Variants in DST observed in about 807,000 individuals in gnomAD.
DST encodes the protein bullous pemphigoid antigen.
A neutral mutation model predicts 875.2 loss-of-function variants in DST; 253 were observed. The observed-to-expected ratio is 0.29, with a 90% CI of 0.26 to 0.32. DST has a LOEUF of 0.32. Among genes scored for constraint, DST ranks in the 10% least tolerant of loss-of-function variants. The pLI is 1.00. For missense variants in DST, 8,287 were observed against 9,111.6 expected (o/e 0.91, Z 3.68); for synonymous variants, 3,124 against 3,197.1 (o/e 0.98, Z 0.77).
At chr6:56,610,119 A>G (rs536663432) in intron 39 of DST, among the ~76,000 whole-genome samples, 1 of 152,312 alleles carries the variant, frequency 6.6e-6, no homozygotes, top group Admixed American at 6.5e-5. Context: ...TTTATAGCCT[A>G]TAATATAATA....
In DST at chr6:56,945,462, C is replaced by A. The variant is rs887880100; in HGVS notation, c.216+8323G>T. The stretch of plus-strand genomic sequence containing the variant: ...CTGGATGTGAGAATATTGCCATTCT[C>A]CAAAATAGATGCATAAGATGTGGTA... On this transcript the variant is annotated intron_variant, in intron 2 of 103. Transcript: ENST00000680361. Among the ~76,000 whole-genome samples the A allele has an allele frequency of 3.3e-5, 5 of 152,062 alleles. 1 individual carries two copies. Among genetic ancestry groups the A allele is most frequent in the African/African-American group, 1.2e-4 (5 of 41,386 alleles).
At chr6:56,789,112 A>G (rs1295201091) in intron 4 of DST, among the ~76,000 whole-genome samples, 2 of 152,226 alleles carry the variant, frequency 1.3e-5, no homozygotes, top group Non-Finnish European at 2.9e-5. Context: ...TGGAAGGCCA[A>G]GAATGGAGGA....
At chr6:56,488,261 TAGAG>T (rs1470281055) in intron 86 of DST, among the ~76,000 whole-genome samples, 2 of 152,202 alleles carry the variant, frequency 1.3e-5, no homozygotes, top group South Asian at 4.1e-4. Context: ...TGTTGCCAAA[TAGAG>T]ACTTTAAAAA....
In DST at chr6:56,792,954, A is replaced by G. The variant is rs144936099; in HGVS notation, c.626-57665T>C. 3.6e-3 allele frequency among the ~76,000 whole-genome samples: 541 copies of G among 151,246 alleles called. 2 individuals are homozygous for G. Among genetic ancestry groups the G allele is most frequent in the Middle Eastern group, 7.0e-3 (2 of 286 alleles). On this transcript the variant is annotated intron_variant, in intron 4 of 103. Transcript: ENST00000680361. ...CATGGTGGCATGTACCTGTAGTCCC[A>G]GCTACTCAGAGGCTGAGAAGGGAGA...
intron 61 of DST, chr6:56,540,986 C>T (rs2097115354): frequency 6.6e-6 from 1 of 152,632 alleles, no homozygotes; most frequent in Non-Finnish European, 1.5e-5. Context: ...TTTTTCTTCC[C>T]TCTCTGCTGG....
At chr6:56,548,087 G>A (rs1450795731) in intron 61 of DST, among the ~76,000 whole-genome samples, 1 of 152,190 alleles carries the variant, frequency 6.6e-6, no homozygotes, top group Non-Finnish European at 1.5e-5. Flanking sequence ...GTCTAGATCA[G>A]GGGTGTCCAA....
chr6:56,488,240 ATACAGG>A (rs1700775885), intron 86 of DST, among the ~76,000 whole-genome samples: 1 of 152,238 alleles, frequency 6.6e-6, no homozygotes, highest in Non-Finnish European at 1.5e-5. Flanking sequence ...TTATGGTTGA[ATACAGG>A]TCACTGTTGC....
At chr6:56,692,920 C>G (rs1051870192) in intron 9 of DST, 1 of 1,289,780 alleles carries the variant, frequency 7.8e-7, no homozygotes, top group African/African-American at 1.5e-5. Flanking sequence ...TACCAGTCCC[C>G]TGGATAAAGG....
intron 60 of DST, 122 bp downstream of exon 60, chr6:56,555,223 A>T: frequency 9.3e-7 from 1 of 1,072,506 alleles, no homozygotes; most frequent in South Asian, 1.7e-5. Flanking sequence ...CCTCCTCTTC[A>T]CTGATGTTAA....
chr6:56,482,156 A>T lies in DST; in HGVS notation c.21425T>A (p.Val7142Glu). Residue 7142 changes from valine (V) to glutamate (E), a missense_variant, in exon 90 of 104, where the codon GTA becomes GAA. Around this residue, in one of 10 missense-constraint regions of DST, gnomAD observed 1,292 missense variants for 1,552.7 expected, o/e 0.83. Coordinates refer to ENST00000680361, the MANE Select transcript of DST (RefSeq NM_001374736.1). Reference protein sequence around the residue: ...LRQAEEFHSVVHALLEWLAEA... With the variant: ...LRQAEEFHSVEHALLEWLAEA... ...AGCCAGCCACTCCAAGAGGGCATGTACCACCGAGTGGAATTCCTCTGCCTA... is the reference window on the plus strand; with the variant it reads ...AGCCAGCCACTCCAAGAGGGCATGTTCCACCGAGTGGAATTCCTCTGCCTA... 1 of 1,611,076 alleles carries T rather than the reference A, an allele frequency of 6.2e-7. No homozygotes were observed. Among genetic ancestry groups the T allele is most frequent in the South Asian group, 1.1e-5 (1 of 90,976 alleles).
At chr6:56,624,164 C>A (rs985147719) in intron 36 of DST, among the ~76,000 whole-genome samples, 1 of 151,974 alleles carries the variant, frequency 6.6e-6, no homozygotes, top group Non-Finnish European at 1.5e-5. Context: ...AGACATCATA[C>A]CAGCAGTAAC....
chr6:56,822,613 A>G (rs1343967288), intron 4 of DST, among the ~76,000 whole-genome samples: 5 of 152,184 alleles, frequency 3.3e-5, no homozygotes, highest in African/African-American at 7.2e-5. Context: ...GTAAAAAGTA[A>G]AAGTTCACAG....
chr6:56,648,758 G>A (rs1417067024), intron 12 of DST, 69 bp from the exon 13 acceptor site: 3 of 1,307,126 alleles, frequency 2.3e-6, no homozygotes, highest in Non-Finnish European at 3.1e-6. Context: ...AGACAATTTA[G>A]TCAGAAGTCA....
chr6:56,534,961 T>C (rs772759543), intron 63 of DST, among the ~76,000 whole-genome samples, 161 bp downstream of exon 63: 14 of 152,214 alleles, frequency 9.2e-5, no homozygotes, highest in Non-Finnish European at 1.8e-4. Flanking sequence ...CCATGGTAGA[T>C]GTTCAATAAA....
chr6:56,882,171 A>C (rs189657007), intron 3 of DST, among the ~76,000 whole-genome samples: 13 of 152,346 alleles, frequency 8.5e-5, no homozygotes, highest in Non-Finnish European at 1.2e-4. Context: ...GGTTGTCCTG[A>C]TGGCCAAGAA....
intron 63 of DST, among the ~76,000 whole-genome samples, chr6:56,533,071 G>A (rs1178410717): frequency 6.6e-6 from 1 of 152,160 alleles, no homozygotes; most frequent in East Asian, 1.9e-4. Context: ...AAATCTGTGT[G>A]AGGCTGCAAA....
chr6:56,579,069 A>G (rs780619954), intron 49 of DST, 132 bp from the exon 50 acceptor site: 34 of 731,886 alleles, frequency 4.6e-5, no homozygotes, highest in Non-Finnish European at 6.5e-5. Flanking sequence ...AACTTTCATC[A>G]TCAACTTACT....
At position 56,485,326 on chromosome 6, in the gene DST, T is replaced by C. The variant is rs2095526239; in HGVS notation, c.21193A>G (p.Ile7065Val). 1 of 1,613,814 alleles carries C rather than the reference T, an allele frequency of 6.2e-7. No individual in the cohort carries two copies. The highest frequency in any genetic ancestry group is 8.5e-7 in the Non-Finnish European group (1 of 1,179,806). Residue 7065 changes from isoleucine (I) to valine (V), a missense_variant, in exon 88 of 104, where the codon ATC (isoleucine) becomes GTC (valine). Ile to Val is a conservative substitution (Grantham distance 29). This residue lies in a region of DST where 1,292 missense variants were observed against 1,552.7 expected (regional missense o/e 0.83). Coordinates refer to ENST00000680361, the MANE Select transcript of DST (RefSeq NM_001374736.1). ...GATAACAATACCTTGTGATTATCGA[T>C]CAGATTCATCACCAAATCAATGTCT... ...HGDIDLVMNL[I>V]DNHKAFQKEL...
chr6:56,660,903 C>T (rs2099037310), intron 10 of DST, among the ~76,000 whole-genome samples: 2 of 151,856 alleles, frequency 1.3e-5, no homozygotes, highest in East Asian at 3.9e-4. Context: ...ATATTTATAG[C>T]AAGCTTAGTT....
Sources: allele counts gnomAD v4.1 joint callset (sites outside exome capture counted in the v4.1 genomes callset), GRCh38; gene constraint gnomAD v4.1.1; regional missense constraint gnomAD v4.1.1; transcripts MANE v1.5; gene names NCBI Gene and HGNC (gene_info 2026-07-23, HGNC 2026-07-21).